Variants in TOP6BL observed in about 807,000 individuals in gnomAD.
The protein encoded by TOP6BL is TOP6B like initiator of meiotic double strand breaks.
At chr11:66,760,512 C>G in the TOP6BL span, among the ~76,000 whole-genome samples, 2 of 149,032 alleles carry the variant, frequency 1.3e-5, no homozygotes, top group African/African-American at 2.5e-5. Flanking sequence ...GGCACAGTGG[C>G]TCATGCCTGT....
the TOP6BL span, chr11:66,842,772 C>T: frequency 3.6e-6 from 5 of 1,401,244 alleles, no homozygotes; most frequent in Non-Finnish European, 4.8e-6. Flanking sequence ...GCCCGTTCTC[C>T]CAGGCTTCCC....
chr11:66,794,098 C>A, the TOP6BL span, among the ~76,000 whole-genome samples: 2 of 129,830 alleles, frequency 1.5e-5, no homozygotes, highest in African/African-American at 3.0e-5. Flanking sequence ...AGTGACAAAG[C>A]GAGACCCTGT....
At chr11:66,763,753 C>T in the TOP6BL span, among the ~76,000 whole-genome samples, 1 of 152,100 alleles carries the variant, frequency 6.6e-6, no homozygotes, top group East Asian at 1.9e-4. Flanking sequence ...CACATGTGCA[C>T]ACCTCCATGC....
At chr11:66,781,484 A>G in the TOP6BL span, among the ~76,000 whole-genome samples, 1 of 152,226 alleles carries the variant, frequency 6.6e-6, no homozygotes, top group Admixed American at 6.6e-5. Context: ...CATATTTATA[A>G]TAGATTCTTT....
At chr11:66,769,997 G>A in the TOP6BL span, among the ~76,000 whole-genome samples, 1 of 151,724 alleles carries the variant, frequency 6.6e-6, no homozygotes, top group African/African-American at 2.4e-5. Flanking sequence ...CGCCTGCCTC[G>A]GCCTCCCAAA....
chr11:66,815,977 A>G, the TOP6BL span: 1 of 1,396,890 alleles, frequency 7.2e-7, no homozygotes, highest in Non-Finnish European at 9.7e-7. Flanking sequence ...TTTGTTCAGA[A>G]TACAGGTTCT....
chr11:66,817,956 A>G, the TOP6BL span, among the ~76,000 whole-genome samples: 5 of 152,286 alleles, frequency 3.3e-5, no homozygotes, highest in South Asian at 1.0e-3. Flanking sequence ...GTGTTTCTCA[A>G]TGCCCTCCTA....
chr11:66,838,418 G>A, the TOP6BL span: 2 of 1,613,930 alleles, frequency 1.2e-6, no homozygotes, highest in Non-Finnish European at 1.7e-6. Context: ...GGACGCACCT[G>A]ATAACAGCAG....
the TOP6BL span, among the ~76,000 whole-genome samples, chr11:66,783,277 C>T: frequency 6.6e-6 from 1 of 152,134 alleles, no homozygotes; most frequent in African/African-American, 2.4e-5. Context: ...GTAGGAGGAT[C>T]CTTTGATCCC....
chr11:66,791,851 T>C, the TOP6BL span, among the ~76,000 whole-genome samples: 1 of 150,890 alleles, frequency 6.6e-6, no homozygotes, highest in Admixed American at 6.6e-5. Flanking sequence ...GGAGTCTTGC[T>C]CTGTGGCCCA....
chr11:66,827,966 GAAAAAAAA>G, the TOP6BL span, among the ~76,000 whole-genome samples: 33 of 30,118 alleles, frequency 1.1e-3, no homozygotes, highest in African/African-American at 2.7e-3. Flanking sequence ...CTCTGTCTCA[GAAAAAAAA>G]AAAAAAAAAA....
At chr11:66,838,530 G>C in the TOP6BL span, 1 of 1,264,784 alleles carries the variant, frequency 7.9e-7, no homozygotes, top group African/African-American at 1.5e-5. Context: ...CTATTCCACT[G>C]TACCTTCTAC....
At chr11:66,796,092 T>TA in the TOP6BL span, 1 of 551,468 alleles carries the variant, frequency 1.8e-6, no homozygotes, top group African/African-American at 1.9e-5. Context: ...ATAGATACTC[T>TA]AACCCAAGAA....
the TOP6BL span, chr11:66,758,213 C>T: frequency 2.5e-6 from 2 of 801,990 alleles, no homozygotes; most frequent in South Asian, 1.1e-4. Context: ...CACTGTCTAC[C>T]CTGAATAATT....
the TOP6BL span, among the ~76,000 whole-genome samples, chr11:66,838,953 G>T: frequency 6.6e-6 from 1 of 152,128 alleles, no homozygotes; most frequent in Non-Finnish European, 1.5e-5. Context: ...GGATGGTCTC[G>T]ATCTCCTGAC....
chr11:66,769,573 A>G, the TOP6BL span, among the ~76,000 whole-genome samples: 2 of 152,038 alleles, frequency 1.3e-5, no homozygotes, highest in Admixed American at 1.3e-4. Flanking sequence ...TACAACAACA[A>G]TTAAAGGACA....
At chr11:66,816,181 C>T in the TOP6BL span, 1 of 1,609,298 alleles carries the variant, frequency 6.2e-7, no homozygotes, top group Non-Finnish European at 8.5e-7. Flanking sequence ...ATTTCCAGTC[C>T]AGCAAATGGA....
At chr11:66,816,218 G>T in the TOP6BL span, 2 of 1,599,450 alleles carry the variant, frequency 1.3e-6, no homozygotes, top group Non-Finnish European at 1.7e-6. Context: ...AAGAGAATGG[G>T]GTTGCCAGCT....
At chr11:66,784,967 T>G in the TOP6BL span, among the ~76,000 whole-genome samples, 1 of 144,444 alleles carries the variant, frequency 6.9e-6, no homozygotes, top group Non-Finnish European at 1.5e-5. Flanking sequence ...TTTTTTTTTT[T>G]TTTTTTTTTT....
Sources: allele counts gnomAD v4.1 joint callset (sites outside exome capture counted in the v4.1 genomes callset), GRCh38; gene constraint gnomAD v4.1.1; transcripts MANE v1.5; gene names NCBI Gene and HGNC (gene_info 2026-07-23, HGNC 2026-07-21).